FRMD4A: variants seen among roughly 807,000 people sequenced by gnomAD.
FRMD4A encodes the protein FERM domain containing 4A.
A neutral mutation model predicts 129.1 loss-of-function variants in FRMD4A; 29 were observed. The observed-to-expected ratio is 0.22, with a 90% CI of 0.17 to 0.31. The LOEUF (loss-of-function observed/expected upper bound fraction) is 0.31. FRMD4A is among the 10% of genes least tolerant of loss of function. The probability of loss-of-function intolerance (pLI) is 1.00; values close to 1 mark genes in which losing one functional copy is unlikely to be tolerated. For synonymous variants in FRMD4A, 634 were observed against 571.6 expected, an observed-to-expected ratio of 1.11 and a Z score of -1.56; for missense variants, 1,272 against 1,375.8, an observed-to-expected ratio of 0.92 and a Z score of 1.19.
intron 11 of FRMD4A, among the ~76,000 whole-genome samples, chr10:13,739,007 C>G (rs192816907): frequency 6.6e-6 from 1 of 152,252 alleles, no homozygotes; most frequent in Non-Finnish European, 1.5e-5. Flanking sequence ...TTAATTAGAG[C>G]CCCCAGAAGC....
intron 2 of FRMD4A, among the ~76,000 whole-genome samples, chr10:14,081,454 T>C (rs1178760257): frequency 6.6e-6 from 1 of 152,148 alleles, no homozygotes; most frequent in Non-Finnish European, 1.5e-5. Context: ...GGAGAACTCC[T>C]GTGCAGTGGC....
chr10:13,964,824 G>A (rs2095474599), intron 2 of FRMD4A, among the ~76,000 whole-genome samples: 1 of 151,974 alleles, frequency 6.6e-6, no homozygotes, highest in Non-Finnish European at 1.5e-5. Context: ...GGGTAGCTGG[G>A]CCTACAGGTG....
rs74122487 is a variant in FRMD4A, at chr10:14,112,372, A to G, written c.45+217686T>C. The stretch of plus-strand genomic sequence containing the variant: ...AGGAGCACAGAGGAGAGGGTAGAAG[A>G]CGAGAGAGCAGTTTGCGGCGGTCTC... On this transcript the variant is annotated intron_variant, in intron 2 of 24. Transcript: ENST00000357447. Among the ~76,000 whole-genome samples, 972 of 152,182 alleles carry G rather than the reference A, an allele frequency of 6.4e-3. 9 individuals are homozygous for G. Among genetic ancestry groups the G allele is most frequent in the African/African-American group, 0.022 (923 of 41,516 alleles).
At chr10:13,724,387 C>CAA (rs56241757) in intron 12 of FRMD4A, among the ~76,000 whole-genome samples, 27 of 145,280 alleles carry the variant, frequency 1.9e-4, no homozygotes, top group South Asian at 6.5e-4. Flanking sequence ...GACTCTGTCT[C>CAA]AAAAAAAAAA....
chr10:14,127,118 G>C (rs952408886), intron 2 of FRMD4A, among the ~76,000 whole-genome samples: 61 of 152,328 alleles, frequency 4.0e-4, no homozygotes, highest in African/African-American at 1.4e-3. Context: ...AAAATGGACT[G>C]ACCACAGGAG....
chr10:13,748,166 T>C (rs1306010896), intron 8 of FRMD4A, among the ~76,000 whole-genome samples: 1 of 151,582 alleles, frequency 6.6e-6, no homozygotes, highest in Non-Finnish European at 1.5e-5. Flanking sequence ...TCCCCAGGGG[T>C]CCCCCAGGGC....
chr10:14,039,368 G>GTCCATCCATCCA (rs61121735), intron 2 of FRMD4A, among the ~76,000 whole-genome samples: 1 of 109,436 alleles, frequency 9.1e-6, no homozygotes, highest in African/African-American at 4.5e-5. Flanking sequence ...CTGTCCGTCC[G>GTCCATCCATCCA]TCCATCCATC....
intron 2 of FRMD4A, among the ~76,000 whole-genome samples, chr10:14,280,187 G>T (rs75264603): frequency 1.3e-5 from 2 of 152,160 alleles, no homozygotes; most frequent in Non-Finnish European, 2.9e-5. Context: ...GGAGCAAAGC[G>T]GATGGGGGCA....
Position 14,317,556 on chromosome 10 carries a change from C to A in FRMD4A, c.45+12502G>T, listed in dbSNP as rs570961005. ...AACTAAACTCTAAACTTCTTGAGAGCAGGGACTAGGTGGTATTTACACACA... is the reference window on the plus strand; with the variant it reads ...AACTAAACTCTAAACTTCTTGAGAGAAGGGACTAGGTGGTATTTACACACA... On this transcript the variant is annotated intron_variant, in intron 2 of 24. Coordinates refer to ENST00000357447, the MANE Select transcript of FRMD4A (RefSeq NM_018027.5). Among the ~76,000 whole-genome samples, 4 of 152,232 alleles carry A rather than the reference C, an allele frequency of 2.6e-5. No individual in the cohort carries two copies. The South Asian group carries it at 6.2e-4, about 24-fold the overall frequency.
intron 12 of FRMD4A, among the ~76,000 whole-genome samples, chr10:13,718,687 C>T (rs1447151667): frequency 1.3e-5 from 2 of 152,178 alleles, no homozygotes; most frequent in African/African-American, 4.8e-5. Context: ...AGAGGAGGGG[C>T]GGAAGCAGAG....
chr10:14,071,732 G>A (rs1394103980), intron 2 of FRMD4A, among the ~76,000 whole-genome samples: 2 of 152,100 alleles, frequency 1.3e-5, no homozygotes, highest in Non-Finnish European at 2.9e-5. Flanking sequence ...TGCTGATGGG[G>A]CAGAGAGGAC....
At chr10:14,072,623 T>A (rs10906592) in intron 2 of FRMD4A, among the ~76,000 whole-genome samples, 58,898 of 151,986 alleles carry the variant, frequency 0.39, 11,563 homozygotes, top group East Asian at 0.6. Context: ...TTTTCATAAC[T>A]GTTGAAGCTG....
intron 2 of FRMD4A, among the ~76,000 whole-genome samples, chr10:14,166,019 A>G (rs1243706295): frequency 1.3e-5 from 2 of 152,102 alleles, no homozygotes; most frequent in African/African-American, 4.8e-5. Context: ...TAGAAAAAAA[A>G]CTGTCTTCAT....
rs1488786388 is a variant in FRMD4A, at chr10:13,751,290, G to GCCA, written c.465-3472_465-3471insTGG. Among the ~76,000 whole-genome samples the GCCA allele has an allele frequency of 3.7e-4, 57 of 152,264 alleles. 2 individuals are homozygous for GCCA. In the East Asian group the frequency reaches 0.01, roughly 27 times the overall value. On this transcript the variant is annotated intron_variant, in intron 8 of 24. Coordinates refer to ENST00000357447, the MANE Select transcript of FRMD4A (RefSeq NM_018027.5). ...AGCCTGCAGTGAGTTCTCTAGCTCT[G>GCCA]CTCCAGGGCAAGGTTACACACAAAA...
intron 13 of FRMD4A, among the ~76,000 whole-genome samples, chr10:13,701,832 A>C (rs1470816771): frequency 6.6e-6 from 1 of 152,220 alleles, no homozygotes; most frequent in African/African-American, 2.4e-5. Flanking sequence ...AAAACCTTCA[A>C]TGATGCTCCC....
At chr10:14,100,599 T>C (rs1837250860) in intron 2 of FRMD4A, among the ~76,000 whole-genome samples, 1 of 152,130 alleles carries the variant, frequency 6.6e-6, no homozygotes, top group African/African-American at 2.4e-5. Context: ...TTTATATACT[T>C]GCCGGCCTTA....
chr10:13,870,609 C>T (rs1266531232), intron 2 of FRMD4A, among the ~76,000 whole-genome samples: 1 of 152,220 alleles, frequency 6.6e-6, no homozygotes, highest in Admixed American at 6.5e-5. Flanking sequence ...GAGAAAGATG[C>T]CACACACCTT....
At position 13,654,938 on chromosome 10, in the gene FRMD4A, G is replaced by T. The variant is rs145607175; in HGVS notation, c.2954-426C>A. 4.0e-5 allele frequency: 7 copies of T among 176,696 alleles called. No homozygotes were observed. The East Asian group carries it at 9.6e-4, about 24-fold the overall frequency. 10.9% of individuals were successfully genotyped at this position (176,696 alleles called of 1,614,324 possible). A position where few individuals can be genotyped will look rare whatever the true frequency, so the allele number is the denominator to read the frequency against. The stretch of plus-strand genomic sequence containing the variant: ...TTTCTCTGGCCCCAGGGCATTTTCA[G>T]TGTGGCCCTGTTATGAAATTGTTTC... On this transcript the variant is annotated intron_variant, in intron 22 of 24. Transcript: ENST00000357447.
At chr10:14,175,265 C>T (rs1198124348) in intron 2 of FRMD4A, among the ~76,000 whole-genome samples, 2 of 152,130 alleles carry the variant, frequency 1.3e-5, no homozygotes, top group African/African-American at 2.4e-5. Flanking sequence ...GGAAGATGCC[C>T]CTGTCCCTTG....
Sources: allele counts gnomAD v4.1 joint callset (sites outside exome capture counted in the v4.1 genomes callset), GRCh38; gene constraint gnomAD v4.1.1; transcripts MANE v1.5; gene names NCBI Gene and HGNC (gene_info 2026-07-23, HGNC 2026-07-21).